Variants in ATP13A4 observed in about 807,000 individuals in gnomAD.
ATP13A4 encodes the protein probable cation-transporting ATPase 13A4.
In ATP13A4, 114 loss-of-function variants were observed where a neutral mutation model predicts 142.5. That is an observed-to-expected ratio of 0.80 (90% CI 0.69 to 0.93). The LOEUF (loss-of-function observed/expected upper bound fraction) is 0.93, where lower values mean the gene tolerates loss of function less well. Ranked by LOEUF, ATP13A4 falls within the 40% of genes least tolerant of loss-of-function variation. ATP13A4 has a pLI of 0.00. For missense variants in ATP13A4, 1,392 were observed against 1,454.0 expected (o/e 0.96, Z 0.69); for synonymous variants, 488 against 514.8 (o/e 0.95, Z 0.70).
chr3:193,524,950 GTCTCTATGAGCCTTTA>G (rs1560256334), intron 1 of ATP13A4, among the ~76,000 whole-genome samples: 1 of 151,990 alleles, frequency 6.6e-6, no homozygotes, highest in African/African-American at 2.4e-5. Context: ...CCTATTTTAG[GTCTCTATGAGCCTTTA>G]TCTCTATCTG....
chr3:193,515,629 A>T (rs1389221347), intron 1 of ATP13A4, among the ~76,000 whole-genome samples: 1 of 152,176 alleles, frequency 6.6e-6, no homozygotes, highest in Non-Finnish European at 1.5e-5. Flanking sequence ...AGAGGATATT[A>T]TTAGACCCCA....
In ATP13A4 at chr3:193,462,838, A is replaced by G. The variant is rs1197101947; in HGVS notation, c.1462-15T>C. ...AAGGTGCCTGTCTAAACAGAAACAA[A>G]TGCTCCATTTACTCTGAAGATCCAG... On this transcript the variant is annotated splice_polypyrimidine_tract_variant and intron_variant, in intron 12 of 29. Transcript: ENST00000342695. The G allele has an allele frequency of 6.2e-7, 1 of 1,613,124 alleles. No individual in the cohort carries two copies. The highest frequency in any genetic ancestry group is 1.1e-5 in the South Asian group (1 of 91,030).
At chr3:193,407,004 G>A (rs569027316) in intron 29 of ATP13A4, among the ~76,000 whole-genome samples, 1 of 152,270 alleles carries the variant, frequency 6.6e-6, no homozygotes, top group South Asian at 2.1e-4. Context: ...GAATGTTATG[G>A]TGCGTGAATC....
chr3:193,534,939 T>C (rs1211879816), intron 1 of ATP13A4, among the ~76,000 whole-genome samples: 2 of 148,550 alleles, frequency 1.3e-5, no homozygotes, highest in African/African-American at 4.9e-5. Flanking sequence ...GTCAAATCTG[T>C]AAAAAATAAA....
chr3:193,550,330 G>A (rs542840766), intron 1 of ATP13A4, among the ~76,000 whole-genome samples: 33 of 143,436 alleles, frequency 2.3e-4, no homozygotes, highest in African/African-American at 7.6e-4. Flanking sequence ...TTTTTGAGAC[G>A]GAGTCTCACT....
chr3:193,554,474 C>A, intron 1 of ATP13A4: 1 of 533,422 alleles, frequency 1.9e-6, no homozygotes, highest in Non-Finnish European at 3.4e-6. Context: ...TGCTTCTCTC[C>A]CTCTCTGTTT....
chr3:193,436,192 G>A (rs1447740585), intron 23 of ATP13A4, among the ~76,000 whole-genome samples: 3 of 152,144 alleles, frequency 2.0e-5, no homozygotes, highest in African/African-American at 7.2e-5. Context: ...TCAGGAGCTT[G>A]GCAAGCATTT....
chr3:193,422,055 C>T (rs987455793), intron 25 of ATP13A4, among the ~76,000 whole-genome samples: 1 of 149,622 alleles, frequency 6.7e-6, no homozygotes, highest in Non-Finnish European at 1.5e-5. Flanking sequence ...AAAAGACTCA[C>T]TTTATCCTTA....
chr3:193,479,553 G>A (rs922513823), intron 8 of ATP13A4, among the ~76,000 whole-genome samples: 1 of 151,852 alleles, frequency 6.6e-6, no homozygotes, highest in Non-Finnish European at 1.5e-5. Flanking sequence ...TTAGAAATAC[G>A]CCTAAACAAA....
intron 1 of ATP13A4, among the ~76,000 whole-genome samples, chr3:193,586,818 C>A (rs1724680852): frequency 6.6e-6 from 1 of 152,138 alleles, no homozygotes; most frequent in Admixed American, 6.5e-5. Flanking sequence ...TCAATCTGAG[C>A]TCTTTGCATT....
intron 2 of ATP13A4, chr3:193,579,492 A>AAT (rs34635543): frequency 0.49 from 72,822 of 149,716 alleles, 18,350 homozygotes; most frequent in African/African-American, 0.63. Flanking sequence ...TATGTATTGT[A>AAT]ATATATATAT....
intron 8 of ATP13A4, 130 bp from the exon 9 acceptor site, chr3:193,471,123 C>T: frequency 8.3e-7 from 1 of 1,211,944 alleles, no homozygotes; most frequent in South Asian, 1.3e-5. Flanking sequence ...GAACATTCCT[C>T]AACATTGATT....
intron 2 of ATP13A4, among the ~76,000 whole-genome samples, chr3:193,560,684 A>C (rs922352444): frequency 6.6e-6 from 1 of 152,222 alleles, no homozygotes; most frequent in African/African-American, 2.4e-5. Flanking sequence ...TTACTTAGGC[A>C]TGATCCAGAG....
intron 8 of ATP13A4, among the ~76,000 whole-genome samples, chr3:193,474,815 C>T (rs565735770): frequency 2.6e-5 from 4 of 151,998 alleles, no homozygotes; most frequent in Admixed American, 2.6e-4. Context: ...ATGTGCGGGT[C>T]ATGATCATGG....
At chr3:193,465,914 T>C in intron 11 of ATP13A4, 111 bp downstream of exon 11, 1 of 1,395,904 alleles carries the variant, frequency 7.2e-7, no homozygotes, top group East Asian at 2.3e-5. Flanking sequence ...CAGTGCTTGG[T>C]TTTGTTTCCC....
At position 193,414,664 on chromosome 3, in the gene ATP13A4, A is replaced by C; in HGVS notation, c.2929T>G (p.Phe977Val). The change falls in exon 26 of 30, where the codon TTC becomes GTC. Residue 977 changes from phenylalanine (F) to valine (V), a missense_variant. Phe to Val is a conservative substitution (Grantham distance 50). Transcript: ENST00000342695. ...ISPPLLLSVI[F>V]NILLSLAMHI... ...ATGGCCAGGCTGAGAAGAATGTTGAAAATCACAGAGAGTAGCAGAGGTGGA... is the reference window on the plus strand; with the variant it reads ...ATGGCCAGGCTGAGAAGAATGTTGACAATCACAGAGAGTAGCAGAGGTGGA... 2 of 1,614,162 alleles carry C rather than the reference A, an allele frequency of 1.2e-6. No homozygotes were observed. The highest frequency in any genetic ancestry group is 1.7e-6 in the Non-Finnish European group (2 of 1,180,016).
At chr3:193,431,363 T>C (rs1312668656) in intron 25 of ATP13A4, among the ~76,000 whole-genome samples, 3 of 152,006 alleles carry the variant, frequency 2.0e-5, no homozygotes, top group African/African-American at 4.8e-5. Flanking sequence ...GCAGAGTAGC[T>C]ACATTTCCAG....
intron 13 of ATP13A4, 29 bp from the exon 14 acceptor site, chr3:193,459,260 T>C: frequency 6.2e-7 from 1 of 1,613,800 alleles, no homozygotes; most frequent in Non-Finnish European, 8.5e-7. Flanking sequence ...TGGGTTTCCA[T>C]TCCATCGCCT....
intron 1 of ATP13A4, among the ~76,000 whole-genome samples, chr3:193,591,294 A>G (rs1418548685): frequency 6.6e-6 from 1 of 152,220 alleles, no homozygotes; most frequent in Non-Finnish European, 1.5e-5. Flanking sequence ...CGGCCTCCCA[A>G]AGTGCTGGGA....
Sources: allele counts gnomAD v4.1 joint callset (sites outside exome capture counted in the v4.1 genomes callset), GRCh38; gene constraint gnomAD v4.1.1; transcripts MANE v1.5; gene names NCBI Gene and HGNC (gene_info 2026-07-23, HGNC 2026-07-21).